Variants in PIEZO2 observed in about 807,000 individuals in gnomAD.
The protein encoded by PIEZO2 is piezo-type mechanosensitive ion channel component 2.
PIEZO2 carries 172 observed loss-of-function variants against 337.3 expected under a neutral mutation model. The observed-to-expected ratio is 0.51, with a 90% CI of 0.45 to 0.58. The LOEUF is 0.58. PIEZO2 is among the 20% of genes least tolerant of loss of function. The pLI is 0.00. For missense variants in PIEZO2, 3,028 were observed against 3,391.3 expected (o/e 0.89, Z 2.66); for synonymous variants, 1,251 against 1,228.5 (o/e 1.02, Z -0.38).
chr18:10,720,885 C>G (rs1269031837), intron 36 of PIEZO2, among the ~76,000 whole-genome samples: 1 of 152,164 alleles, frequency 6.6e-6, no homozygotes, highest in Admixed American at 6.5e-5. Flanking sequence ...CTGACCTGCT[C>G]TTTATTTTTT....
chr18:10,786,518 T>C (rs903303967), intron 16 of PIEZO2, among the ~76,000 whole-genome samples: 1 of 152,226 alleles, frequency 6.6e-6, no homozygotes, highest in Admixed American at 6.5e-5. Flanking sequence ...ATTTCCAAAC[T>C]AATTTCAGAA....
At chr18:10,788,482 T>C (rs1203185759) in intron 15 of PIEZO2, among the ~76,000 whole-genome samples, 2 of 127,306 alleles carry the variant, frequency 1.6e-5, no homozygotes, top group African/African-American at 5.9e-5. Flanking sequence ...AAGGAAGAAA[T>C]AGAAATGTAA....
At chr18:11,025,994 T>C (rs979230897) in intron 2 of PIEZO2, among the ~76,000 whole-genome samples, 1 of 152,136 alleles carries the variant, frequency 6.6e-6, no homozygotes, top group African/African-American at 2.4e-5. Context: ...GAGTCCCTTC[T>C]GAAGTCCCCT....
intron 47 of PIEZO2, among the ~76,000 whole-genome samples, chr18:10,692,721 C>G (rs2034905232): frequency 6.6e-6 from 1 of 152,204 alleles, no homozygotes; most frequent in Admixed American, 6.5e-5. Context: ...TTCCATTGTT[C>G]TGTTCGTCTG....
rs2038320034 is a variant in PIEZO2, at chr18:11,070,988, C to T, written c.65-4766G>A. ...CTCCAGCCAAGGGTCTGCATTAGAACCCGTGGTGCCTGCTTCCATGGCTGA... is the reference window on the plus strand; with the variant it reads ...CTCCAGCCAAGGGTCTGCATTAGAATCCGTGGTGCCTGCTTCCATGGCTGA... On this transcript the variant is annotated intron_variant, in intron 1 of 55. Coordinates refer to ENST00000674853, the MANE Select transcript of PIEZO2 (RefSeq NM_001378183.1). This position sits in a 1 kb window ranked among gnomAD's most constrained non-coding sequence, Gnocchi z 4.3. Among the ~76,000 whole-genome samples the T allele has an allele frequency of 6.6e-6, 1 of 152,116 alleles. No individual in the cohort carries two copies.
At chr18:11,066,508 A>G (rs1334812295) in intron 1 of PIEZO2, among the ~76,000 whole-genome samples, 1 of 152,230 alleles carries the variant, frequency 6.6e-6, no homozygotes, top group Non-Finnish European at 1.5e-5. Context: ...AATAATAGCT[A>G]CAATAATTTA....
chr18:10,705,528 C>T lies in PIEZO2; in HGVS notation c.5807G>A (p.Gly1936Glu), dbSNP rs1468362829. Residue 1936 changes from glycine (G) to glutamate (E), a missense_variant, in exon 41 of 56, where the codon GGG (glycine) becomes GAG (glutamate). Gly to Glu is a moderately conservative substitution (Grantham distance 98, BLOSUM62 -2). Around this residue, in one of 5 missense-constraint regions of PIEZO2, gnomAD observed 1,925 missense variants for 2,051.9 expected, o/e 0.94. Coordinates refer to ENST00000674853, the MANE Select transcript of PIEZO2 (RefSeq NM_001378183.1). Reference sequence around the variant, plus strand: ...GTAGGAGGGTGGGGCCTCCACATCCCCGTCCAAGGTGGAGAACTGTGTCAG... The same window carrying T: ...GTAGGAGGGTGGGGCCTCCACATCCTCGTCCAAGGTGGAGAACTGTGTCAG... ...EELTQFSTLDGDVEAPPSYSK... is the reference protein window; with the variant it reads ...EELTQFSTLDEDVEAPPSYSK... 6.5e-6 allele frequency: 10 copies of T among 1,537,102 alleles called. No individual in the cohort carries two copies. The highest frequency in any genetic ancestry group is 8.7e-6 in the Non-Finnish European group (10 of 1,146,894).
chr18:10,767,758 G>A lies in PIEZO2; in HGVS notation c.2946+2390C>T, dbSNP rs536079067. On this transcript the variant is annotated intron_variant, in intron 21 of 55. Transcript: ENST00000674853. This position sits in a 1 kb window ranked among gnomAD's most constrained non-coding sequence, Gnocchi z 4.2. Reference sequence around the variant, plus strand: ...GCACCCAGAGCTGCTCCAAGGCTGCGGGGAAGGCTGTCTGGAAGGGCAGCA... The same window carrying A: ...GCACCCAGAGCTGCTCCAAGGCTGCAGGGAAGGCTGTCTGGAAGGGCAGCA... 2.8e-4 allele frequency among the ~76,000 whole-genome samples: 43 copies of A among 152,328 alleles called. No homozygotes were observed. The highest frequency in any genetic ancestry group is 2.2e-3 in the Admixed American group (33 of 15,308).
rs2034703348 is a variant in PIEZO2 at position 10,982,421 on chromosome 18, T to C, written c.161-2761A>G. On this transcript the variant is annotated intron_variant, in intron 2 of 55. Transcript: ENST00000674853. This position sits in a 1 kb window ranked among gnomAD's most constrained non-coding sequence, Gnocchi z 4.1. ...AGGTATAAATAAGTGAAGAGATCTG[T>C]TACATGCATGAATGAGGTGACTCAA... Among the ~76,000 whole-genome samples the C allele has an allele frequency of 1.3e-5, 2 of 152,090 alleles. No homozygotes were observed. Among genetic ancestry groups the C allele is most frequent in the African/African-American group, 4.8e-5 (2 of 41,446 alleles).
rs1447150620 is a variant in PIEZO2 at position 11,129,787 on chromosome 18, G to C, written c.64+18738C>G. 6.6e-6 allele frequency among the ~76,000 whole-genome samples: 1 copy of C among 152,144 alleles called. No homozygotes were observed. Among genetic ancestry groups the C allele is most frequent in the East Asian group, 1.9e-4 (1 of 5,184 alleles). ...CTGGCTCTGGCTCTGAGCTGACGTT[G>C]GATCCAGGGGACCCAAAATGTCATC... On this transcript the variant is annotated intron_variant, in intron 1 of 55. Coordinates refer to ENST00000674853, the MANE Select transcript of PIEZO2 (RefSeq NM_001378183.1). This position sits in a 1 kb window ranked among gnomAD's most constrained non-coding sequence, Gnocchi z 4.6.
chr18:10,979,560 T>C lies in PIEZO2; in HGVS notation c.261A>G (p.Gln87=), dbSNP rs572859538. 5.9e-6 allele frequency: 9 copies of C among 1,533,980 alleles called. No individual in the cohort carries two copies. The highest frequency in any genetic ancestry group is 2.4e-5 in the South Asian group (2 of 83,624). Residue 87 remains glutamine (Q), a synonymous_variant, in exon 3 of 56, where the codon CAA becomes CAG. Transcript: ENST00000674853. The surrounding 1 kb of genome is among the most constrained non-coding windows in gnomAD (Gnocchi z 4.0). ...AGTTGTAGCCAGGTGCAATACGATG[T>C]TGAGCTTCAAGGCTCACCAACGTGA... The part of the protein sequence containing the change: ...FHITLVSLEA[Q]HRIAPGYNCS...
chr18:10,747,200 T>C lies in PIEZO2; in HGVS notation c.4424+1271A>G, dbSNP rs569554635. Among the ~76,000 whole-genome samples the C allele has an allele frequency of 7.2e-4, 110 of 152,282 alleles. 1 individual carries two copies. The highest frequency in any genetic ancestry group is 1.1e-3 in the Non-Finnish European group (75 of 68,024). Reference sequence around the variant, plus strand: ...GATTTCTAAATCATTGTGACAACTTTGGGAAAAAGACACCGGGGAACATTC... The same window carrying C: ...GATTTCTAAATCATTGTGACAACTTCGGGAAAAAGACACCGGGGAACATTC... On this transcript the variant is annotated intron_variant, in intron 30 of 55. Transcript: ENST00000674853.
rs2038702700 is a variant in PIEZO2, at chr18:10,774,100, A to T, written c.2535-62T>A. On this transcript the variant is annotated intron_variant, in intron 18 of 55. Coordinates refer to ENST00000674853, the MANE Select transcript of PIEZO2 (RefSeq NM_001378183.1). ...AGATGAGAACAGAAGAATTATAAGG[A>T]ATGTCAGAGATCACATATCATGCTA... 7.1e-6 allele frequency: 5 copies of T among 700,426 alleles called. No homozygotes were observed. The African/African-American group carries it at 8.8e-5, about 12-fold the overall frequency. The allele number at this position is 700,426 out of a possible 1,614,324, so 43.4% of individuals were successfully genotyped here. A position where few individuals can be genotyped will look rare whatever the true frequency, so the allele number is the denominator to read the frequency against.
In PIEZO2 at chr18:10,800,742, C is replaced by T. The variant is rs117943562; in HGVS notation, c.1240-267G>A. ...AACCATGCTTCGCACCTGCTGTCCT[C>T]AGTATGAAGAGCAAACTCTTGTAAA... On this transcript the variant is annotated intron_variant, in intron 10 of 55. Coordinates refer to ENST00000674853, the MANE Select transcript of PIEZO2 (RefSeq NM_001378183.1). 9.4e-3 allele frequency among the ~76,000 whole-genome samples: 1,434 copies of T among 152,336 alleles called. 13 individuals carry two copies. The highest frequency in any genetic ancestry group is 0.02 in the Middle Eastern group (6 of 294).
At chr18:10,803,844 G>T in intron 9 of PIEZO2, 31 bp downstream of exon 9, 2 of 1,534,880 alleles carry the variant, frequency 1.3e-6, no homozygotes, top group Non-Finnish European at 1.7e-6. Context: ...AGAAAAATTA[G>T]GGAACGGAAA....
intron 5 of PIEZO2, among the ~76,000 whole-genome samples, chr18:10,866,874 C>T (rs1216938672): frequency 3.3e-5 from 5 of 152,106 alleles, no homozygotes; most frequent in Admixed American, 6.5e-5. Flanking sequence ...GGAGTAAAAC[C>T]TTTGTCCAAA....
At chr18:10,826,323 G>A (rs1471567802) in intron 7 of PIEZO2, among the ~76,000 whole-genome samples, 1 of 152,206 alleles carries the variant, frequency 6.6e-6, no homozygotes, top group African/African-American at 2.4e-5. Context: ...AAGTAAATAT[G>A]AGTTCCTAAT....
At position 10,760,914 on chromosome 18, in the gene PIEZO2, C is replaced by T; in HGVS notation, c.3447G>A (p.Leu1149=). Residue 1149 remains leucine, a synonymous_variant, in exon 24 of 56, where the codon CTG becomes CTA. Transcript: ENST00000674853. The part of the protein sequence containing the change: ...FINYFFYKFG[L]ETCFLMSVNV... ...ACATATCAGCAAGGAAACTCACCTC[C>T]AGACCAAACTTGTAAAAGAAGTAAT... 1 of 1,528,216 alleles carries T rather than the reference C, an allele frequency of 6.5e-7. No homozygotes were observed. Among genetic ancestry groups the T allele is most frequent in the Non-Finnish European group, 8.8e-7 (1 of 1,140,114 alleles). The allele number at this position is 1,528,216 out of a possible 1,614,324, so 94.7% of individuals were successfully genotyped here.
chr18:10,727,012 G>C lies in PIEZO2; in HGVS notation c.5029+4395C>G. ...AGGCCCCCAGAACATGAAGCTGTTT[G>C]CTCTGTGCTTCCACGGTCTGGGTGT... On this transcript the variant is annotated intron_variant, in intron 36 of 55. Transcript: ENST00000674853. The surrounding 1 kb of genome is among the most constrained non-coding windows in gnomAD (Gnocchi z 6.3). 1 of 881,406 alleles carries C rather than the reference G, an allele frequency of 1.1e-6. No individual in the cohort carries two copies. Among genetic ancestry groups the C allele is most frequent in the Admixed American group, 2.7e-5 (1 of 37,608 alleles). The allele number at this position is 881,406 out of a possible 1,614,324, so 54.6% of individuals were successfully genotyped here. A position where few individuals can be genotyped will look rare whatever the true frequency, so the allele number is the denominator to read the frequency against.
Sources: gnomAD v4.1 joint callset for allele counts (sites outside exome capture counted in the v4.1 genomes callset) on GRCh38, gnomAD v4.1.1 for gene constraint, gnomAD v4.1.1 regional missense constraint, Gnocchi (gnomAD v3.1) non-coding constraint, MANE v1.5 for transcripts, NCBI Gene and HGNC (gene_info 2026-07-23, HGNC 2026-07-21) for gene names.